NFIB: variants seen among roughly 807,000 people sequenced by gnomAD.
NFIB encodes nuclear factor 1 B-type.
A neutral mutation model predicts 61.5 loss-of-function variants in NFIB; 11 were observed. That is an observed-to-expected ratio of 0.18 (90% CI 0.11 to 0.30). NFIB has a LOEUF of 0.30. NFIB is among the 10% of genes least tolerant of loss of function. NFIB has a pLI of 1.00. For missense variants in NFIB, 471 were observed against 608.9 expected (o/e 0.77, Z 2.38); for synonymous variants, 260 against 216.5 (o/e 1.20, Z -1.76).
At chr9:14,374,535 A>G (rs1026546050) in intron 1 of NFIB, among the ~76,000 whole-genome samples, 3 of 152,220 alleles carry the variant, frequency 2.0e-5, no homozygotes, top group Non-Finnish European at 4.4e-5. Flanking sequence ...CAAAGGAGAG[A>G]AACTTTTTTA....
upstream of NFIB, among the ~76,000 whole-genome samples, chr9:14,401,563 T>G (rs1276575598): frequency 6.6e-6 from 1 of 152,248 alleles, no homozygotes; most frequent in Non-Finnish European, 1.5e-5. Context: ...ATTTATTGAC[T>G]TACTTTGAAA....
chr9:14,181,657 C>T (rs2046792139), intron 2 of NFIB, among the ~76,000 whole-genome samples: 2 of 152,216 alleles, frequency 1.3e-5, no homozygotes, highest in Non-Finnish European at 2.9e-5. Context: ...TGACAAATGT[C>T]TCTCAGCATT....
intron 2 of NFIB, among the ~76,000 whole-genome samples, chr9:14,290,599 G>A (rs936671660): frequency 3.3e-5 from 5 of 151,998 alleles, no homozygotes; most frequent in African/African-American, 7.2e-5. Flanking sequence ...TCCAGAATAC[G>A]TGCTATTGCT....
chr9:14,439,408 T>G, the NFIB span, among the ~76,000 whole-genome samples: 1 of 152,236 alleles, frequency 6.6e-6, no homozygotes, highest in Non-Finnish European at 1.5e-5. Context: ...ACAAATGATT[T>G]AATCTTTCTG....
At chr9:14,485,889 A>G in the NFIB span, among the ~76,000 whole-genome samples, 1 of 151,404 alleles carries the variant, frequency 6.6e-6, no homozygotes, top group African/African-American at 2.4e-5. Flanking sequence ...ACAAAACACA[A>G]AAAAACAAAA....
intron 1 of NFIB, among the ~76,000 whole-genome samples, chr9:14,339,763 T>A (rs1312026126): frequency 6.6e-6 from 1 of 152,192 alleles, no homozygotes; most frequent in Non-Finnish European, 1.5e-5. Flanking sequence ...TCTCTTCATC[T>A]GCTAATTTGT....
At chr9:14,430,094 G>C in the NFIB span, among the ~76,000 whole-genome samples, 1 of 152,192 alleles carries the variant, frequency 6.6e-6, no homozygotes, top group Non-Finnish European at 1.5e-5. Flanking sequence ...AGATTAAGAA[G>C]ATAACTCTGA....
At chr9:14,098,443 C>A (rs1009223625) in intron 10 of NFIB, among the ~76,000 whole-genome samples, 4 of 152,272 alleles carry the variant, frequency 2.6e-5, no homozygotes, top group Admixed American at 2.6e-4. Flanking sequence ...GATTGTCCTT[C>A]AGCTTTCTTT....
chr9:14,404,196 T>C, the NFIB span, among the ~76,000 whole-genome samples: 1 of 152,188 alleles, frequency 6.6e-6, no homozygotes, highest in Non-Finnish European at 1.5e-5. Flanking sequence ...TTTACTCTTA[T>C]TCCTGTATTT....
chr9:14,317,733 A>C (rs565520815), upstream of NFIB, among the ~76,000 whole-genome samples: 1 of 152,304 alleles, frequency 6.6e-6, no homozygotes, highest in South Asian at 2.1e-4. Flanking sequence ...TCCCTGGAAG[A>C]ACTCTAGGGA....
At chr9:14,258,273 T>A (rs975611907) in intron 2 of NFIB, among the ~76,000 whole-genome samples, 2 of 152,224 alleles carry the variant, frequency 1.3e-5, no homozygotes, top group Non-Finnish European at 2.9e-5. Context: ...TACTTATTAG[T>A]AAGGGAACAA....
chr9:14,489,515 GA>G, the NFIB span, among the ~76,000 whole-genome samples: 2 of 151,760 alleles, frequency 1.3e-5, no homozygotes, highest in African/African-American at 4.8e-5. Flanking sequence ...TAACTAAGAT[GA>G]AAACAAGCTA....
intron 6 of NFIB, among the ~76,000 whole-genome samples, chr9:14,135,773 C>T (rs2040970393): frequency 6.6e-6 from 1 of 152,090 alleles, no homozygotes; most frequent in African/African-American, 2.4e-5. Context: ...TTAGATTTCT[C>T]AACCATTTTT....
At chr9:14,334,230 C>T (rs1052934371) in intron 1 of NFIB, among the ~76,000 whole-genome samples, 1 of 152,130 alleles carries the variant, frequency 6.6e-6, no homozygotes, top group African/African-American at 2.4e-5. Flanking sequence ...GGGTATAAGC[C>T]TATGAGTAGA....
At chr9:14,436,935 T>C in the NFIB span, among the ~76,000 whole-genome samples, 8 of 152,002 alleles carry the variant, frequency 5.3e-5, no homozygotes, top group Admixed American at 5.2e-4. Flanking sequence ...CGGAAGGAAA[T>C]TTCCTTAAAA....
intron 2 of NFIB, chr9:14,180,743 G>T (rs1358227393): frequency 6.6e-6 from 1 of 152,194 alleles, no homozygotes; most frequent in Non-Finnish European, 1.5e-5. Flanking sequence ...CCTAAGCAGA[G>T]GCAGAGATTC....
chr9:14,148,844 A>G (rs1750370112), intron 5 of NFIB, among the ~76,000 whole-genome samples: 1 of 152,230 alleles, frequency 6.6e-6, no homozygotes, highest in South Asian at 2.1e-4. Flanking sequence ...TTCTTCCCAA[A>G]GAATCCAAAG....
intron 1 of NFIB, among the ~76,000 whole-genome samples, chr9:14,344,531 T>C (rs2060996391): frequency 1.3e-5 from 2 of 152,192 alleles, no homozygotes. Context: ...TTTATGGATT[T>C]TTTCTTAAAG....
intron 2 of NFIB, 96 bp downstream of exon 2, chr9:14,306,893 G>A (rs764588745): frequency 9.7e-6 from 14 of 1,449,788 alleles, no homozygotes; most frequent in Non-Finnish European, 1.3e-5. Context: ...GATATCTAGG[G>A]GCCTTGAGGA....
Sources: gnomAD v4.1 joint callset for allele counts (sites outside exome capture counted in the v4.1 genomes callset) on GRCh38, gnomAD v4.1.1 for gene constraint, MANE v1.5 for transcripts, NCBI Gene and HGNC (gene_info 2026-07-23, HGNC 2026-07-21) for gene names.